SORBS2: variants seen among roughly 807,000 people sequenced by gnomAD.
The protein encoded by SORBS2 is sorbin and SH3 domain containing 2, also known as sorbin and SH3 domain-containing protein 2.
SORBS2 carries 46 observed loss-of-function variants against 97.7 expected under a neutral mutation model. That is an observed-to-expected ratio of 0.47 (90% confidence interval 0.37 to 0.60). The LOEUF (loss-of-function observed/expected upper bound fraction) is 0.60, where lower values mean the gene tolerates loss of function less well. SORBS2 is among the 20% of genes least tolerant of loss of function. SORBS2 has a pLI of 0.00. For missense variants in SORBS2, 1,316 were observed against 1,282.3 expected (o/e 1.03, Z -0.40); for synonymous variants, 476 against 473.4 (o/e 1.01, Z -0.07).
chr4:185,764,680 A>G (rs538585586), intron 2 of SORBS2, among the ~76,000 whole-genome samples: 16 of 152,306 alleles, frequency 1.1e-4, no homozygotes, highest in African/African-American at 3.8e-4. Flanking sequence ...TTTACTTCCT[A>G]TGTAGAATTT....
chr4:185,659,809 A>C (rs1248374104), upstream of SORBS2, among the ~76,000 whole-genome samples: 1 of 152,152 alleles, frequency 6.6e-6, no homozygotes, highest in African/African-American at 2.4e-5. Context: ...GGCCTCCATG[A>C]TACTAGTATT....
At chr4:185,902,583 A>G (rs1196763079) in intron 1 of SORBS2, among the ~76,000 whole-genome samples, 1 of 152,056 alleles carries the variant, frequency 6.6e-6, no homozygotes, top group African/African-American at 2.4e-5. Context: ...TGGGAAGACT[A>G]ACTTCAATAA....
rs761545009 is a variant in SORBS2 at position 185,623,935 on chromosome 4, G to T, written c.1194C>A (p.Ser398Arg). Residue 398 changes from serine to arginine, a missense_variant, in exon 7 of 15, where the codon AGC becomes AGA. By Grantham distance (110) the Ser-to-Arg change is moderately radical. Transcript: ENST00000418609. This position sits in a 1 kb window ranked among gnomAD's most constrained non-coding sequence, Gnocchi z 6.4. ...GGGGCACCTCCTCCGTGGAGCACTG[G>T]CTCCAGGCGCGCAGCAGGTCCTTGT... 65 of 1,614,196 alleles carry T rather than the reference G, an allele frequency of 4.0e-5. No homozygotes were observed. The highest frequency in any genetic ancestry group is 5.2e-5 in the Non-Finnish European group (61 of 1,180,042).
chr4:185,798,486 G>A (rs1206422748), intron 1 of SORBS2, among the ~76,000 whole-genome samples: 1 of 152,056 alleles, frequency 6.6e-6, no homozygotes, highest in Non-Finnish European at 1.5e-5. Flanking sequence ...CGTGTGACAA[G>A]CAGAAAAAAC....
chr4:185,658,974 G>A (rs34047444), upstream of SORBS2, among the ~76,000 whole-genome samples: 36,281 of 151,912 alleles, frequency 0.24, 4,522 homozygotes, highest in East Asian at 0.36. Context: ...CCAAAGTGCT[G>A]GGATTACAGG....
chr4:185,936,687 T>C (rs1300733656), intron 1 of SORBS2, among the ~76,000 whole-genome samples: 2 of 152,226 alleles, frequency 1.3e-5, no homozygotes, highest in Non-Finnish European at 2.9e-5. Context: ...ATTCTGTCTC[T>C]TTGTCAAGTC....
intron 2 of SORBS2, among the ~76,000 whole-genome samples, chr4:185,747,991 A>G (rs1021751845): frequency 1.3e-5 from 2 of 149,160 alleles, no homozygotes; most frequent in Non-Finnish European, 3.0e-5. Context: ...ACTCAGTTTC[A>G]AAAAAAAAAC....
At chr4:185,634,809 T>A (rs2096967132) in intron 4 of SORBS2, among the ~76,000 whole-genome samples, 1 of 152,188 alleles carries the variant, frequency 6.6e-6, no homozygotes, top group African/African-American at 2.4e-5. Context: ...AGTAGTCATG[T>A]CTGTCATGGG....
chr4:185,942,087 G>GC (rs1220633193), intron 1 of SORBS2, among the ~76,000 whole-genome samples: 3 of 152,134 alleles, frequency 2.0e-5, no homozygotes, highest in South Asian at 2.1e-4. Flanking sequence ...CTGCACTCCA[G>GC]CTGGGGTGAC....
chr4:185,856,772 A>G lies in SORBS2; in HGVS notation c.-337-81406T>C, dbSNP rs115248629. Among the ~76,000 whole-genome samples, 939 of 152,306 alleles carry G rather than the reference A, an allele frequency of 6.2e-3. 12 individuals are homozygous for G. Among genetic ancestry groups the G allele is most frequent in the African/African-American group, 0.021 (885 of 41,568 alleles). ...TAATTTATAAAGGAAAGAGGTTTAA[A>G]TTGACTTACAGTTCTGCCTGGCTGG... On this transcript the variant is annotated intron_variant, in intron 1 of 20. Coordinates refer to the SORBS2 transcript ENST00000284776.
At chr4:185,792,267 G>T (rs1239794498) in intron 1 of SORBS2, among the ~76,000 whole-genome samples, 1 of 152,224 alleles carries the variant, frequency 6.6e-6, no homozygotes, top group African/African-American at 2.4e-5. Flanking sequence ...GCCAAGATGG[G>T]AGGATCACCT....
At chr4:185,887,415 G>A (rs1050967274) in intron 1 of SORBS2, among the ~76,000 whole-genome samples, 12 of 152,094 alleles carry the variant, frequency 7.9e-5, no homozygotes, top group South Asian at 2.1e-4. Flanking sequence ...CTACTGCTTC[G>A]TTAAGAACCA....
intron 1 of SORBS2, among the ~76,000 whole-genome samples, chr4:185,820,611 ACCTT>A (rs1399768954): frequency 2.0e-5 from 3 of 152,136 alleles, no homozygotes; most frequent in African/African-American, 7.2e-5. Flanking sequence ...GTGCGCGGAC[ACCTT>A]GCCTGCGGGG....
chr4:185,709,110 C>T (rs964008342), intron 2 of SORBS2, among the ~76,000 whole-genome samples: 7 of 152,108 alleles, frequency 4.6e-5, no homozygotes, highest in African/African-American at 1.4e-4. Context: ...CTCCGCCTCT[C>T]GGGTTCAAGC....
At chr4:185,615,599 GA>G (rs1291323597) in intron 9 of SORBS2, among the ~76,000 whole-genome samples, 3 of 151,950 alleles carry the variant, frequency 2.0e-5, no homozygotes, top group Non-Finnish European at 1.5e-5. Flanking sequence ...TTACATGAAG[GA>G]AAACAAATAT....
At chr4:185,689,246 A>G (rs1023546708) in intron 2 of SORBS2, among the ~76,000 whole-genome samples, 10 of 152,230 alleles carry the variant, frequency 6.6e-5, no homozygotes, top group African/African-American at 2.2e-4. Context: ...GTTATGATCC[A>G]CTTAAGTCTA....
chr4:185,875,573 T>G (rs1016415881), intron 1 of SORBS2, among the ~76,000 whole-genome samples: 1 of 152,256 alleles, frequency 6.6e-6, no homozygotes, highest in Non-Finnish European at 1.5e-5. Context: ...TAAAAAATTA[T>G]GCACATAATC....
At chr4:185,933,579 A>G (rs888818596) in intron 1 of SORBS2, among the ~76,000 whole-genome samples, 2 of 152,010 alleles carry the variant, frequency 1.3e-5, no homozygotes, top group African/African-American at 4.8e-5. Flanking sequence ...CTTGGCTTGT[A>G]GACGCATCAC....
At chr4:185,701,289 G>A (rs760927622) in intron 2 of SORBS2, among the ~76,000 whole-genome samples, 2 of 152,146 alleles carry the variant, frequency 1.3e-5, no homozygotes, top group Non-Finnish European at 2.9e-5. Context: ...TTAGCTCCAG[G>A]GTAGTCTGCC....
Sources: gnomAD v4.1 joint callset for allele counts (sites outside exome capture counted in the v4.1 genomes callset) on GRCh38, gnomAD v4.1.1 for gene constraint, Gnocchi (gnomAD v3.1) non-coding constraint, MANE v1.5 for transcripts, NCBI Gene and HGNC (gene_info 2026-07-23, HGNC 2026-07-21) for gene names.